The following AGPAT4 variants were observed in gnomAD, a reference collection of about 807,000 sequenced individuals.
The protein encoded by AGPAT4 is 1-acylglycerol-3-phosphate O-acyltransferase 4, also known as 1-acyl-sn-glycerol-3-phosphate acyltransferase delta.
Under a neutral mutation model 48.0 loss-of-function variants are expected in AGPAT4, and 15 were observed. The observed-to-expected ratio is 0.31, with a 90% CI of 0.21 to 0.48. AGPAT4 has a LOEUF of 0.48. Ranked by LOEUF, AGPAT4 falls within the 20% of genes least tolerant of loss-of-function variation. The pLI, the probability that AGPAT4 is intolerant of heterozygous loss-of-function variation, is 0.99. For missense variants in AGPAT4, 314 were observed against 482.5 expected, an observed-to-expected ratio of 0.65 and a Z score of 3.27; for synonymous variants, 178 against 198.7, an observed-to-expected ratio of 0.90 and a Z score of 0.88.
intron 2 of AGPAT4, among the ~76,000 whole-genome samples, chr6:161,193,647 T>C (rs1170370935): frequency 6.6e-6 from 1 of 152,140 alleles, no homozygotes; most frequent in Non-Finnish European, 1.5e-5. Flanking sequence ...ACAGTTCCAG[T>C]TTTATGGAGG....
In AGPAT4 at chr6:161,178,900, A is replaced by G. The variant is rs1217593591; in HGVS notation, c.179-12483T>C. 2.6e-5 allele frequency among the ~76,000 whole-genome samples: 4 copies of G among 152,174 alleles called. No homozygotes were observed. The highest frequency in any genetic ancestry group is 2.6e-4 in the Admixed American group (4 of 15,278). On this transcript the variant is annotated intron_variant, in intron 2 of 8. Transcript: ENST00000320285. This position sits in a 1 kb window ranked among gnomAD's most constrained non-coding sequence, Gnocchi z 5.1. ...ACATTCGGATTCTGCTCTTGCAGCC[A>G]CATCTGGCTTTGACCAGTTGCTGCT...
chr6:161,173,284 T>C (rs1780332246), intron 2 of AGPAT4, among the ~76,000 whole-genome samples: 1 of 152,216 alleles, frequency 6.6e-6, no homozygotes, highest in African/African-American at 2.4e-5. Flanking sequence ...TTCCTATTTC[T>C]CCACATCCTC....
intron 2 of AGPAT4, among the ~76,000 whole-genome samples, chr6:161,207,758 G>C (rs1562338605): frequency 6.6e-6 from 1 of 152,182 alleles, no homozygotes; most frequent in African/African-American, 2.4e-5. Context: ...GTTGGATATG[G>C]GGCAAGGAAC....
In AGPAT4 at chr6:161,218,916, C is replaced by T. The variant is rs1312898330; in HGVS notation, c.178+13120G>A. On this transcript the variant is annotated intron_variant, in intron 2 of 8. Transcript: ENST00000320285. This position sits in a 1 kb window ranked among gnomAD's most constrained non-coding sequence, Gnocchi z 4.7. ...TGATAAAACACTGTATCTACCAAAG[C>T]GTTTCTAGGATTTTTCCTTCAAAAC... Among the ~76,000 whole-genome samples, 2 of 151,236 alleles carry T rather than the reference C, an allele frequency of 1.3e-5. No homozygotes were observed. Among genetic ancestry groups the T allele is most frequent in the African/African-American group, 2.4e-5 (1 of 41,296 alleles).
chr6:161,160,887 G>A lies in AGPAT4; in HGVS notation c.348+5361C>T, dbSNP rs553292057. 7.5e-4 allele frequency: 302 copies of A among 403,994 alleles called. 3 individuals are homozygous for A. Among genetic ancestry groups the A allele is most frequent in the South Asian group, 3.5e-3 (193 of 55,600 alleles). 25.0% of individuals were successfully genotyped at this position (403,994 alleles called of 1,614,324 possible). On this transcript the variant is annotated intron_variant, in intron 3 of 8. Transcript: ENST00000320285. ...ACAGGGGTAGGTGGGAAAACAGGAC[G>A]TCCCCAGGGCAGAAAGTAATAGGAG...
rs868168429 is a variant in AGPAT4 at position 161,236,033 on chromosome 6, C to T, written c.-89-3731G>A. On this transcript the variant is annotated intron_variant, in intron 1 of 8. Transcript: ENST00000320285. The surrounding 1 kb of genome is among the most constrained non-coding windows in gnomAD (Gnocchi z 5.0). ...AAAGATGGTATAAATATCTGGCCAG[C>T]GATGAAAATAGCTGGAGAGAAACAT... Among the ~76,000 whole-genome samples the T allele has an allele frequency of 3.3e-5, 5 of 152,168 alleles. No individual in the cohort carries two copies. The highest frequency in any genetic ancestry group is 2.1e-4 in the South Asian group (1 of 4,834).
rs369561853 is a variant in AGPAT4, at chr6:161,245,289, G to A, written c.-89-12987C>T. On this transcript the variant is annotated intron_variant, in intron 1 of 8. Coordinates refer to ENST00000320285, the MANE Select transcript of AGPAT4 (RefSeq NM_020133.3). The surrounding 1 kb of genome is among the most constrained non-coding windows in gnomAD (Gnocchi z 5.2). ...GTCAACAGGACGTACTGACATACACGCCGGCCCCACAGGGGTGATGGGAGA... is the reference window on the plus strand; with the variant it reads ...GTCAACAGGACGTACTGACATACACACCGGCCCCACAGGGGTGATGGGAGA... Among the ~76,000 whole-genome samples the A allele has an allele frequency of 3.3e-5, 5 of 152,192 alleles. No homozygotes were observed. The highest frequency in any genetic ancestry group is 2.1e-4 in the South Asian group (1 of 4,832).
chr6:161,217,573 T>C lies in AGPAT4; in HGVS notation c.178+14463A>G, dbSNP rs941434386. 2.0e-5 allele frequency among the ~76,000 whole-genome samples: 3 copies of C among 152,252 alleles called. No individual in the cohort carries two copies. The highest frequency in any genetic ancestry group is 2.9e-5 in the Non-Finnish European group (2 of 68,046). ...TGCCTGCATTTTCTCTCACTAATCATGTTCAGCTCTAGTTGGAGACATAGG... is the reference window on the plus strand; with the variant it reads ...TGCCTGCATTTTCTCTCACTAATCACGTTCAGCTCTAGTTGGAGACATAGG... On this transcript the variant is annotated intron_variant, in intron 2 of 8. Coordinates refer to ENST00000320285, the MANE Select transcript of AGPAT4 (RefSeq NM_020133.3). The surrounding 1 kb of genome is among the most constrained non-coding windows in gnomAD (Gnocchi z 4.9).
intron 1 of AGPAT4, among the ~76,000 whole-genome samples, chr6:161,269,771 C>T (rs925600849): frequency 4.6e-5 from 7 of 152,082 alleles, no homozygotes; most frequent in Non-Finnish European, 1.0e-4. Flanking sequence ...TATACAGTGC[C>T]TGAGACATGA....
chr6:161,229,829 G>A lies in AGPAT4; in HGVS notation c.178+2207C>T, dbSNP rs927094445. 6.6e-5 allele frequency among the ~76,000 whole-genome samples: 10 copies of A among 152,068 alleles called. No individual in the cohort carries two copies. The highest frequency in any genetic ancestry group is 2.1e-4 in the South Asian group (1 of 4,816). On this transcript the variant is annotated intron_variant, in intron 2 of 8. Transcript: ENST00000320285. This position sits in a 1 kb window ranked among gnomAD's most constrained non-coding sequence, Gnocchi z 6.0. ...CCAAAGCCCTAGGAAGCCTTCCTCCGGGGACATAGGCAAAGGTCATTGCTG... is the reference window on the plus strand; with the variant it reads ...CCAAAGCCCTAGGAAGCCTTCCTCCAGGGACATAGGCAAAGGTCATTGCTG...
intron 2 of AGPAT4, among the ~76,000 whole-genome samples, chr6:161,205,248 C>T (rs1755661367): frequency 6.6e-6 from 1 of 152,122 alleles, no homozygotes; most frequent in African/African-American, 2.4e-5. Context: ...GACCAGAGGG[C>T]CTTGTGCCAA....
Position 161,200,883 on chromosome 6 carries a change from G to A in AGPAT4, c.178+31153C>T, listed in dbSNP as rs1270076780. On this transcript the variant is annotated intron_variant, in intron 2 of 8. Transcript: ENST00000320285. The surrounding 1 kb of genome is among the most constrained non-coding windows in gnomAD (Gnocchi z 5.5). ...AGATACCCTCTATTGCCTCATTTTA[G>A]AATGGCAGATCCCAATCACACTTTG... is the stretch of plus-strand genomic sequence containing the variant. 6.6e-6 allele frequency among the ~76,000 whole-genome samples: 1 copy of A among 152,186 alleles called. No homozygotes were observed. The highest frequency in any genetic ancestry group is 2.4e-5 in the African/African-American group (1 of 41,436).
intron 2 of AGPAT4, among the ~76,000 whole-genome samples, chr6:161,187,504 C>CATTTATTTATTTATTTATTT (rs60104618): frequency 2.8e-5 from 4 of 143,850 alleles, no homozygotes; most frequent in South Asian, 2.3e-4. Context: ...TCCTGAAGCC[C>CATTTATTTATTTATTTATTT]ATTTATTTAT....
rs1369758188 is a variant in AGPAT4 at position 161,137,129 on chromosome 6, T to C, written c.1043-495A>G. ...GAGCAGTGAGAAAATCCCCGCCCTC[T>C]CCTCTGACGGCAGGATTTGCCTACA... On this transcript the variant is annotated intron_variant, in intron 8 of 8. Coordinates refer to ENST00000320285, the MANE Select transcript of AGPAT4 (RefSeq NM_020133.3). This position sits in a 1 kb window ranked among gnomAD's most constrained non-coding sequence, Gnocchi z 6.1. Among the ~76,000 whole-genome samples the C allele has an allele frequency of 6.6e-6, 1 of 152,156 alleles. No homozygotes were observed. Among genetic ancestry groups the C allele is most frequent in the Non-Finnish European group, 1.5e-5 (1 of 68,030 alleles).
intron 2 of AGPAT4, among the ~76,000 whole-genome samples, chr6:161,213,854 G>T (rs570049040): frequency 6.6e-6 from 1 of 152,172 alleles, no homozygotes; most frequent in East Asian, 1.9e-4. Context: ...TGAGAGATCA[G>T]ACAAAACCTG....
At position 161,189,795 on chromosome 6, in the gene AGPAT4, C is replaced by A. The variant is rs1780870622; in HGVS notation, c.179-23378G>T. Reference sequence around the variant, plus strand: ...CTGAATGCCAACCTGAAATGTGGTTCTCTGAGTATTTGTTTTCATTTTCAA... The same window carrying A: ...CTGAATGCCAACCTGAAATGTGGTTATCTGAGTATTTGTTTTCATTTTCAA... On this transcript the variant is annotated intron_variant, in intron 2 of 8. Coordinates refer to ENST00000320285, the MANE Select transcript of AGPAT4 (RefSeq NM_020133.3). This position sits in a 1 kb window ranked among gnomAD's most constrained non-coding sequence, Gnocchi z 5.3. 6.6e-6 allele frequency among the ~76,000 whole-genome samples: 1 copy of A among 152,182 alleles called. No homozygotes were observed. Among genetic ancestry groups the A allele is most frequent in the African/African-American group, 2.4e-5 (1 of 41,440 alleles).
At chr6:161,260,125 G>A (rs1454056773) in intron 1 of AGPAT4, among the ~76,000 whole-genome samples, 1 of 152,170 alleles carries the variant, frequency 6.6e-6, no homozygotes, top group Non-Finnish European at 1.5e-5. Flanking sequence ...TCAGTGAACT[G>A]CTAGGAAGAC....
chr6:161,256,636 C>A (rs538994389), intron 1 of AGPAT4, among the ~76,000 whole-genome samples: 11 of 152,188 alleles, frequency 7.2e-5, no homozygotes, highest in Non-Finnish European at 1.6e-4. Flanking sequence ...GAAGCAGGCT[C>A]GGGAGGCAGA....
At chr6:161,183,455 A>C (rs1780657603) in intron 2 of AGPAT4, among the ~76,000 whole-genome samples, 1 of 151,502 alleles carries the variant, frequency 6.6e-6, no homozygotes, top group Non-Finnish European at 1.5e-5. Flanking sequence ...ACCTGTCTCT[A>C]ATAAAAATAC....
Sources: allele counts gnomAD v4.1 joint callset (sites outside exome capture counted in the v4.1 genomes callset), GRCh38; gene constraint gnomAD v4.1.1; non-coding constraint Gnocchi (gnomAD v3.1); transcripts MANE v1.5; gene names NCBI Gene and HGNC (gene_info 2026-07-23, HGNC 2026-07-21).